The following SLC1A1 variants were observed in gnomAD, a reference collection of about 807,000 sequenced individuals.
SLC1A1 encodes the protein solute carrier family 1 member 1.
Under a neutral mutation model 53.3 loss-of-function variants are expected in SLC1A1, and 43 were observed. That is an observed-to-expected ratio of 0.81 (90% CI 0.63 to 1.04). The LOEUF (loss-of-function observed/expected upper bound fraction) is 1.04, where lower values mean the gene tolerates loss of function less well. Among genes scored for constraint, SLC1A1 ranks in the 50% least tolerant of loss-of-function variants. The pLI, the probability that SLC1A1 is intolerant of heterozygous loss-of-function variation, is 0.00. For synonymous variants in SLC1A1, 307 were observed against 243.2 expected, an observed-to-expected ratio of 1.26 and a Z score of -2.44; for missense variants, 748 against 664.9, an observed-to-expected ratio of 1.12 and a Z score of -1.37.
intron 1 of SLC1A1, among the ~76,000 whole-genome samples, chr9:4,491,421 G>A (rs1358897312): frequency 1.3e-5 from 2 of 152,226 alleles, no homozygotes; most frequent in African/African-American, 4.8e-5. Flanking sequence ...GGTCACCGGG[G>A]AAGAGAGCTA....
rs111795239 is a variant in SLC1A1 at position 4,583,002 on chromosome 9, G to A, written c.1194-36G>A. On this transcript the variant is annotated intron_variant, in intron 10 of 11. Coordinates refer to ENST00000262352, the MANE Select transcript of SLC1A1 (RefSeq NM_004170.6). The surrounding 1 kb of genome is among the most constrained non-coding windows in gnomAD (Gnocchi z 4.6). ...GCCAGGGCTTTAACGGGAGAGGTAA[G>A]TGTCTAACTCCTTTCCTGCTGGTAT... is the stretch of plus-strand genomic sequence containing the variant. The A allele has an allele frequency of 6.2e-7, 1 of 1,613,912 alleles. No individual in the cohort carries two copies. The highest frequency in any genetic ancestry group is 1.7e-5 in the Admixed American group (1 of 60,012).
At chr9:4,584,855 C>G (rs2129894093) in intron 11 of SLC1A1, among the ~76,000 whole-genome samples, 1 of 152,286 alleles carries the variant, frequency 6.6e-6, no homozygotes, top group Non-Finnish European at 1.5e-5. Context: ...ACACCATGGA[C>G]CTGAACAAAC....
In SLC1A1 at chr9:4,544,549, A is replaced by G. The variant is rs376708604; in HGVS notation, c.92-18A>G. ...AATAATGTTCCTCTTCCTTCTTTCCAACTCTTGTTTTCCTTAGGCATTACC... is the reference window on the plus strand; with the variant it reads ...AATAATGTTCCTCTTCCTTCTTTCCGACTCTTGTTTTCCTTAGGCATTACC... On this transcript the variant is annotated intron_variant, in intron 1 of 11. Coordinates refer to ENST00000262352, the MANE Select transcript of SLC1A1 (RefSeq NM_004170.6). The G allele has an allele frequency of 9.4e-5, 152 of 1,611,570 alleles. No individual in the cohort carries two copies. Among genetic ancestry groups the G allele is most frequent in the Non-Finnish European group, 1.1e-4 (135 of 1,178,090 alleles).
At chr9:4,501,191 T>G (rs1210847023) in intron 1 of SLC1A1, among the ~76,000 whole-genome samples, 1 of 148,632 alleles carries the variant, frequency 6.7e-6, no homozygotes, top group Non-Finnish European at 1.5e-5. Context: ...TTTTCTATTT[T>G]GTTTTGTTTT....
chr9:4,537,050 G>C (rs1429513971), intron 1 of SLC1A1, among the ~76,000 whole-genome samples: 1 of 140,548 alleles, frequency 7.1e-6, no homozygotes, highest in Admixed American at 7.0e-5. Flanking sequence ...TTGTGGAGTG[G>C]GGGGAGGAGG....
intron 1 of SLC1A1, among the ~76,000 whole-genome samples, chr9:4,513,422 G>C (rs1054247157): frequency 1.3e-5 from 2 of 152,112 alleles, no homozygotes; most frequent in Non-Finnish European, 2.9e-5. Context: ...ACCGAAGAGG[G>C]TATACTGATG....
chr9:4,502,208 G>A (rs10974580), intron 1 of SLC1A1, among the ~76,000 whole-genome samples: 5,952 of 151,034 alleles, frequency 0.039, 550 homozygotes, highest in African/African-American at 0.14. Flanking sequence ...GCAACATGGT[G>A]ACACCTCATC....
chr9:4,542,740 A>C (rs924607235), intron 1 of SLC1A1, among the ~76,000 whole-genome samples: 2 of 152,224 alleles, frequency 1.3e-5, no homozygotes, highest in African/African-American at 4.8e-5. Flanking sequence ...ATAAAGCAGG[A>C]AGTGAGCACA....
intron 1 of SLC1A1, among the ~76,000 whole-genome samples, chr9:4,506,270 A>G (rs1052229575): frequency 1.3e-5 from 2 of 152,194 alleles, no homozygotes. Context: ...TTACTATGAA[A>G]TTCTATCCTG....
intron 1 of SLC1A1, among the ~76,000 whole-genome samples, chr9:4,519,991 C>T (rs1004216622): frequency 1.3e-5 from 2 of 152,148 alleles, no homozygotes; most frequent in African/African-American, 2.4e-5. Flanking sequence ...ACACTGTTCT[C>T]AAAATAATCC....
At chr9:4,516,802 T>G (rs945031315) in intron 1 of SLC1A1, among the ~76,000 whole-genome samples, 9 of 152,216 alleles carry the variant, frequency 5.9e-5, no homozygotes, top group African/African-American at 2.2e-4. Context: ...GAACCCATTA[T>G]ATGGAAGGGA....
At chr9:4,566,150 T>C (rs997964484) in intron 5 of SLC1A1, 61 bp downstream of exon 5, 24 of 1,443,608 alleles carry the variant, frequency 1.7e-5, no homozygotes, top group Non-Finnish European at 2.2e-5. Context: ...ATTAAAAATG[T>C]TTTTTTCTGC....
chr9:4,582,858 C>A (rs978897414), intron 10 of SLC1A1, among the ~76,000 whole-genome samples, 180 bp from the exon 11 acceptor site: 13 of 152,180 alleles, frequency 8.5e-5, no homozygotes, highest in African/African-American at 2.2e-4. Context: ...CCCCTCCCCC[C>A]ACAGCTCTAA....
chr9:4,518,001 G>C (rs1264061916), intron 1 of SLC1A1, among the ~76,000 whole-genome samples: 1 of 152,078 alleles, frequency 6.6e-6, no homozygotes, highest in Non-Finnish European at 1.5e-5. Flanking sequence ...GCTGAGACAG[G>C]TGGATCACTT....
At chr9:4,544,474 A>G in intron 1 of SLC1A1, 93 bp from the exon 2 acceptor site, 2 of 1,098,348 alleles carry the variant, frequency 1.8e-6, no homozygotes, top group Non-Finnish European at 2.8e-6. Flanking sequence ...CTTGCCATTA[A>G]AATGTGCATT....
rs144120541 is a variant in SLC1A1 at position 4,531,441 on chromosome 9, G to A, written c.92-13126G>A. On this transcript the variant is annotated intron_variant, in intron 1 of 11. Coordinates refer to ENST00000262352, the MANE Select transcript of SLC1A1 (RefSeq NM_004170.6). ...GCCTGGCTCAGAGGGTCCTACGCCC[G>A]CAGAGACTCACTCATTGCTAGCACA... Among the ~76,000 whole-genome samples, 486 of 152,254 alleles carry A rather than the reference G, an allele frequency of 3.2e-3. 4 individuals are homozygous for A. The highest frequency in any genetic ancestry group is 0.01 in the African/African-American group (428 of 41,560).
intron 1 of SLC1A1, among the ~76,000 whole-genome samples, chr9:4,540,133 C>G (rs1176232214): frequency 6.6e-6 from 1 of 152,108 alleles, no homozygotes; most frequent in African/African-American, 2.4e-5. Flanking sequence ...GGAGAAGCAG[C>G]TAGACATTGG....
At chr9:4,524,898 T>C (rs147664463) in intron 1 of SLC1A1, among the ~76,000 whole-genome samples, 2 of 152,204 alleles carry the variant, frequency 1.3e-5, no homozygotes, top group African/African-American at 4.8e-5. Context: ...ACTGCAAGAA[T>C]AGCACCAAAC....
chr9:4,539,641 G>C (rs954751785), intron 1 of SLC1A1, among the ~76,000 whole-genome samples: 2 of 151,830 alleles, frequency 1.3e-5, no homozygotes, highest in African/African-American at 4.8e-5. Context: ...GCATGATCTC[G>C]GCTCACTGCA....
Sources: gnomAD v4.1 joint callset for allele counts (sites outside exome capture counted in the v4.1 genomes callset) on GRCh38, gnomAD v4.1.1 for gene constraint, Gnocchi (gnomAD v3.1) non-coding constraint, MANE v1.5 for transcripts, NCBI Gene and HGNC (gene_info 2026-07-23, HGNC 2026-07-21) for gene names.